The following MTPN variants were observed in gnomAD, a reference collection of about 807,000 sequenced individuals.
The protein encoded by MTPN is myotrophin.
In MTPN, 2 loss-of-function variants were observed where a neutral mutation model predicts 13.5. The observed-to-expected ratio is 0.15, with a 90% CI of 0.06 to 0.47. The LOEUF is 0.47. Among genes scored for constraint, MTPN ranks in the 20% least tolerant of loss-of-function variants. The pLI, the probability that MTPN is intolerant of heterozygous loss-of-function variation, is 0.97. For synonymous variants in MTPN, 46 were observed against 51.7 expected (o/e 0.89, Z 0.48); for missense variants, 79 against 137.9 (o/e 0.57, Z 2.14).
chr7:135,972,771 T>C (rs1307132743), intron 1 of MTPN, among the ~76,000 whole-genome samples: 1 of 152,100 alleles, frequency 6.6e-6, no homozygotes, highest in African/African-American at 2.4e-5. Flanking sequence ...AAAATATTAA[T>C]ACTTTTGTGA....
At chr7:135,960,675 A>G (rs558288268) in intron 1 of MTPN, 3 of 152,188 alleles carry the variant, frequency 2.0e-5, no homozygotes, top group African/African-American at 7.2e-5. Context: ...TACCTCTGAA[A>G]TGATTCAATA....
chr7:135,932,689 T>G (rs907727034), intron 3 of MTPN: 4 of 151,846 alleles, frequency 2.6e-5, no homozygotes, highest in African/African-American at 9.7e-5. Flanking sequence ...ATAAAAAAAA[T>G]TACTAGAGAC....
chr7:135,940,789 TAAAA>T lies in MTPN; in HGVS notation c.270+9806_270+9809del, dbSNP rs1476275976. On this transcript the variant is annotated intron_variant, in intron 3 of 3. Coordinates refer to ENST00000393085, the MANE Select transcript of MTPN (RefSeq NM_145808.4). ...CAGCTTATTTGTATCTTACAGAAAA[TAAAA>T]GAACTGTGGGATGGCACACATATGA... Among the ~76,000 whole-genome samples, 17 of 152,330 alleles carry T rather than the reference TAAAA, an allele frequency of 1.1e-4. No homozygotes were observed. In the East Asian group the frequency reaches 2.7e-3, roughly 24 times the overall value.
intron 3 of MTPN, among the ~76,000 whole-genome samples, chr7:135,946,379 T>C (rs1476047873): frequency 2.0e-5 from 3 of 152,226 alleles, no homozygotes; most frequent in African/African-American, 7.2e-5. Context: ...ACTCACCTTG[T>C]AGCACTTAGG....
At position 135,951,512 on chromosome 7, in the gene MTPN, C is replaced by T. The variant is rs1424582769; in HGVS notation, c.186+5G>A. 6.2e-7 allele frequency: 1 copy of T among 1,601,698 alleles called. No homozygotes were observed. Among genetic ancestry groups the T allele is most frequent in the Non-Finnish European group, 8.5e-7 (1 of 1,171,306 alleles). ...TTTTCAAGAATGATCACGTCCTCTA[C>T]GTACATTAATATCTGCTCCTTTCAG... is the stretch of plus-strand genomic sequence containing the variant. On this transcript the variant is annotated splice_donor_5th_base_variant and intron_variant, in intron 2 of 3. Transcript: ENST00000393085.
At position 135,936,611 on chromosome 7, in the gene MTPN, T is replaced by C. The variant is rs1584806323; in HGVS notation, c.271-6599A>G. Among the ~76,000 whole-genome samples, 5 of 152,362 alleles carry C rather than the reference T, an allele frequency of 3.3e-5. No homozygotes were observed. In the East Asian group the frequency reaches 7.7e-4, roughly 23 times the overall value. The stretch of plus-strand genomic sequence containing the variant: ...GAATATATCAACAAAGCATTTCCAT[T>C]GTGAACAGGCTGCCTGCCTACTAGC... On this transcript the variant is annotated intron_variant, in intron 3 of 3. Transcript: ENST00000393085.
chr7:135,934,911 T>C (rs760404467), intron 3 of MTPN, among the ~76,000 whole-genome samples: 19 of 152,180 alleles, frequency 1.2e-4, no homozygotes, highest in Non-Finnish European at 2.1e-4. Flanking sequence ...AACGTGCTCT[T>C]CCTAATCATC....
At chr7:135,940,975 C>T (rs1799199229) in intron 3 of MTPN, among the ~76,000 whole-genome samples, 1 of 152,166 alleles carries the variant, frequency 6.6e-6, no homozygotes. Context: ...CATTCATTTA[C>T]ATGTTGCTTA....
chr7:135,942,001 A>G (rs950367861), intron 3 of MTPN, among the ~76,000 whole-genome samples: 1 of 150,888 alleles, frequency 6.6e-6, no homozygotes, highest in African/African-American at 2.4e-5. Context: ...CTCCTGCCTC[A>G]GCCTCCTGAG....
rs552056460 is a variant in MTPN, at chr7:135,951,889, T to A, written c.73-259A>T. On this transcript the variant is annotated intron_variant, in intron 1 of 3. Transcript: ENST00000393085. ...TGATAAATATAACGAAATACATTACTGTCCTCCATTTCTAAGGAGTTCAAT... is the reference window on the plus strand; with the variant it reads ...TGATAAATATAACGAAATACATTACAGTCCTCCATTTCTAAGGAGTTCAAT... 5.3e-5 allele frequency among the ~76,000 whole-genome samples: 8 copies of A among 152,360 alleles called. No individual in the cohort carries two copies. In the South Asian group the frequency reaches 1.7e-3, roughly 32 times the overall value.
chr7:135,953,661 A>G (rs1032381199), intron 1 of MTPN, among the ~76,000 whole-genome samples: 37 of 152,336 alleles, frequency 2.4e-4, no homozygotes, highest in African/African-American at 7.7e-4. Flanking sequence ...GGTGATATCA[A>G]CTGTCTACCA....
chr7:135,934,352 C>G (rs1271016602), intron 3 of MTPN, among the ~76,000 whole-genome samples: 1 of 152,208 alleles, frequency 6.6e-6, no homozygotes, highest in Non-Finnish European at 1.5e-5. Context: ...GTACACTCCT[C>G]ACCCATATGT....
chr7:135,975,468 G>A (rs1799760181), intron 1 of MTPN, among the ~76,000 whole-genome samples: 1 of 152,120 alleles, frequency 6.6e-6, no homozygotes, highest in South Asian at 2.1e-4. Context: ...TGTAAAATGG[G>A]ACCAATAATA....
rs150950043 is a variant in MTPN, at chr7:135,950,077, T to C, written c.270+522A>G. Among the ~76,000 whole-genome samples the C allele has an allele frequency of 3.3e-5, 5 of 152,278 alleles. No homozygotes were observed. The East Asian group carries it at 9.6e-4, about 29-fold the overall frequency. On this transcript the variant is annotated intron_variant, in intron 3 of 3. Coordinates refer to ENST00000393085, the MANE Select transcript of MTPN (RefSeq NM_145808.4). ...ATTTTGAACTCCATCTAAGGGCTTA[T>C]AATAGCAAAGACAAAAAAGGTAGGA... is the stretch of plus-strand genomic sequence containing the variant.
intron 3 of MTPN, among the ~76,000 whole-genome samples, chr7:135,931,499 A>G (rs1799020588): frequency 6.6e-6 from 1 of 152,048 alleles, no homozygotes; most frequent in Non-Finnish European, 1.5e-5. Context: ...AAAAGTCTCT[A>G]TTTCCTCATT....
At chr7:135,958,825 A>G (rs879705818) in intron 1 of MTPN, among the ~76,000 whole-genome samples, 4 of 152,156 alleles carry the variant, frequency 2.6e-5, no homozygotes, top group Non-Finnish European at 5.9e-5. Context: ...CTTTCATCCA[A>G]TCATCCTTCC....
intron 3 of MTPN, among the ~76,000 whole-genome samples, chr7:135,949,165 C>G (rs558675532): frequency 6.6e-6 from 1 of 152,180 alleles, no homozygotes; most frequent in Non-Finnish European, 1.5e-5. Context: ...CCTGTCTGAG[C>G]TGGGTTCAGT....
At chr7:135,943,445 G>A (rs1260033215) in intron 3 of MTPN, among the ~76,000 whole-genome samples, 4 of 152,096 alleles carry the variant, frequency 2.6e-5, no homozygotes, top group Non-Finnish European at 4.4e-5. Flanking sequence ...AACTGGCTAC[G>A]TGATTAAAAA....
intron 3 of MTPN, among the ~76,000 whole-genome samples, chr7:135,946,099 G>A (rs1799284052): frequency 6.6e-6 from 1 of 152,114 alleles, no homozygotes; most frequent in South Asian, 2.1e-4. Flanking sequence ...CTGCAGAAAA[G>A]GGGGACTACT....
Sources: allele counts gnomAD v4.1 joint callset (sites outside exome capture counted in the v4.1 genomes callset), GRCh38; gene constraint gnomAD v4.1.1; transcripts MANE v1.5; gene names NCBI Gene and HGNC (gene_info 2026-07-23, HGNC 2026-07-21).